ZNF883: variants seen among roughly 807,000 people sequenced by gnomAD.
ZNF883 encodes the protein zinc finger protein 883.
At chr9:113,009,140 CAAGTT>C (rs1239359030) in intron 2 of ZNF883, among the ~76,000 whole-genome samples, 1 of 152,178 alleles carries the variant, frequency 6.6e-6, no homozygotes, top group South Asian at 2.1e-4. Context: ...TAAACTAAGT[CAAGTT>C]ATGTCACTTC....
exon 1 of ZNF883, chr9:112,998,165 T>C: frequency 6.2e-7 from 1 of 1,613,970 alleles, no homozygotes; most frequent in Non-Finnish European, 8.5e-7. Context: ...ATGTGTTTTC[T>C]GATGCTGGGT....
intron 2 of ZNF883, among the ~76,000 whole-genome samples, chr9:113,007,185 C>CTCCG (rs1409373272): frequency 2.0e-5 from 3 of 152,228 alleles, no homozygotes; most frequent in African/African-American, 7.2e-5. Flanking sequence ...CACAGCAAGA[C>CTCCG]TCCGTCTCAA....
chr9:112,997,117 T>A (rs779559329), downstream of ZNF883: 4 of 1,585,694 alleles, frequency 2.5e-6, no homozygotes, highest in South Asian at 1.2e-5. Flanking sequence ...TTTCCCACAC[T>A]CATTACTCTG....
At chr9:112,988,600 G>C (rs193163206) in intron 1 of ZNF883, among the ~76,000 whole-genome samples, 3 of 152,228 alleles carry the variant, frequency 2.0e-5, no homozygotes, top group Non-Finnish European at 4.4e-5. Flanking sequence ...ATTGTGAATA[G>C]TGCTGCAATA....
chr9:112,997,118 C>T (rs1239183833), downstream of ZNF883: 5 of 1,587,166 alleles, frequency 3.2e-6, no homozygotes, highest in Non-Finnish European at 4.3e-6. Flanking sequence ...TTCCCACACT[C>T]ATTACTCTGC....
exon 1 of ZNF883, chr9:112,997,568 T>C: frequency 6.2e-7 from 1 of 1,614,136 alleles, no homozygotes; most frequent in Non-Finnish European, 8.5e-7. Flanking sequence ...TTCTCCAGTA[T>C]GAATTCTTTG....
exon 2 of ZNF883, chr9:113,011,168 G>A (rs1587899054): frequency 6.6e-6 from 1 of 152,162 alleles, no homozygotes; most frequent in East Asian, 1.9e-4. Context: ...GGGGCCAGTG[G>A]TCAGGTCCTT....
upstream of ZNF883, among the ~76,000 whole-genome samples, chr9:113,002,797 C>T (rs558491171): frequency 4.6e-5 from 7 of 152,160 alleles, no homozygotes; most frequent in South Asian, 1.2e-3. Flanking sequence ...CTTCGGGAGG[C>T]GATTAAGTCA....
downstream of ZNF883, among the ~76,000 whole-genome samples, chr9:112,995,175 C>A (rs772579547): frequency 1.3e-5 from 2 of 152,166 alleles, no homozygotes; most frequent in Non-Finnish European, 2.9e-5. Context: ...TAGACCTCAT[C>A]CAATCCATTG....
downstream of ZNF883, among the ~76,000 whole-genome samples, chr9:112,996,726 G>A (rs1015502904): frequency 4.2e-5 from 6 of 141,544 alleles, no homozygotes; most frequent in Admixed American, 2.2e-4. Flanking sequence ...GGGAGGCGGA[G>A]CTTGCAGTGA....
chr9:112,998,330 T>TA, upstream of ZNF883: 1 of 1,229,472 alleles, frequency 8.1e-7, no homozygotes, highest in South Asian at 2.6e-5. Flanking sequence ...TGTTGGCTTT[T>TA]CATTTATTTC....
chr9:112,990,882 T>C (rs1360531397), intron 1 of ZNF883, among the ~76,000 whole-genome samples: 1 of 152,210 alleles, frequency 6.6e-6, no homozygotes, highest in Admixed American at 6.5e-5. Context: ...TCTTCTATAT[T>C]TCTAGCTTAT....
chr9:112,995,824 A>G (rs1465077160), downstream of ZNF883, among the ~76,000 whole-genome samples: 2 of 152,090 alleles, frequency 1.3e-5, no homozygotes, highest in Non-Finnish European at 2.9e-5. Context: ...GACTTCGAGT[A>G]TTTAAGTTTC....
At chr9:112,996,684 G>A (rs559877142), downstream of ZNF883, among the ~76,000 whole-genome samples, 15 of 148,484 alleles carry the variant, frequency 1.0e-4, no homozygotes, top group Non-Finnish European at 1.6e-4. Flanking sequence ...CCAGCTACTC[G>A]GGAGGCTGAG....
At chr9:113,003,139 C>G (rs374755070), upstream of ZNF883, among the ~76,000 whole-genome samples, 1 of 152,334 alleles carries the variant, frequency 6.6e-6, no homozygotes, top group East Asian at 1.9e-4. Flanking sequence ...TGTCCCCACA[C>G]GTCAAGGATT....
At chr9:112,996,936 T>A (rs1213657089), downstream of ZNF883, among the ~76,000 whole-genome samples, 1 of 152,146 alleles carries the variant, frequency 6.6e-6, no homozygotes, top group African/African-American at 2.4e-5. Context: ...ATTATAACTT[T>A]CTCTTTCAAT....
upstream of ZNF883, among the ~76,000 whole-genome samples, chr9:113,002,562 G>C (rs769897975): frequency 6.6e-6 from 1 of 152,128 alleles, no homozygotes; most frequent in Non-Finnish European, 1.5e-5. Context: ...GGAACTCTCT[G>C]TAATATATCT....
chr9:113,001,762 T>C (rs1828427928), upstream of ZNF883, among the ~76,000 whole-genome samples: 1 of 152,204 alleles, frequency 6.6e-6, no homozygotes, highest in Non-Finnish European at 1.5e-5. Context: ...ATAATATCAA[T>C]GGATCCTAGA....
chr9:112,992,284 T>G (rs1828310546), downstream of ZNF883, among the ~76,000 whole-genome samples: 3 of 152,220 alleles, frequency 2.0e-5, no homozygotes, highest in Admixed American at 2.0e-4. Flanking sequence ...CTGGTGGCAG[T>G]GAATTCCCTC....
Sources: allele counts gnomAD v4.1 joint callset (sites outside exome capture counted in the v4.1 genomes callset), GRCh38; gene constraint gnomAD v4.1.1; transcripts MANE v1.5; gene names NCBI Gene and HGNC (gene_info 2026-07-23, HGNC 2026-07-21).